The following TFAP2D variants were observed in gnomAD, a reference collection of about 807,000 sequenced individuals.
The protein encoded by TFAP2D is transcription factor AP-2-delta.
A neutral mutation model predicts 43.6 loss-of-function variants in TFAP2D; 9 were observed. The observed-to-expected ratio is 0.21, with a 90% CI of 0.12 to 0.36. The LOEUF is 0.36. Ranked by LOEUF, TFAP2D falls within the 10% of genes least tolerant of loss-of-function variation. The pLI is 1.00. For synonymous variants in TFAP2D, 256 were observed against 224.9 expected, an observed-to-expected ratio of 1.14 and a Z score of -1.24; for missense variants, 513 against 561.4, an observed-to-expected ratio of 0.91 and a Z score of 0.87.
intron 6 of TFAP2D, among the ~76,000 whole-genome samples, chr6:50,748,929 A>G (rs1209352320): frequency 1.3e-5 from 2 of 151,860 alleles, no homozygotes; most frequent in Admixed American, 6.6e-5. Flanking sequence ...TTCACTGAAG[A>G]TCATCTTGTG....
chr6:50,715,747 TCTCACACACACACACACA>T, intron 2 of TFAP2D, 134 bp downstream of exon 2: 7 of 497,370 alleles, frequency 1.4e-5, no homozygotes, highest in Non-Finnish European at 2.0e-5. Context: ...TCTCTCTCTC[TCTCACACACACACACACA>T]CACACACACA....
intron 5 of TFAP2D, among the ~76,000 whole-genome samples, chr6:50,739,335 C>A (rs927732974): frequency 3.9e-5 from 6 of 152,012 alleles, no homozygotes; most frequent in Non-Finnish European, 8.8e-5. Flanking sequence ...GGTTTTCTGT[C>A]CTTGGGATAG....
chr6:50,770,883 C>T (rs891766110), intron 7 of TFAP2D, among the ~76,000 whole-genome samples: 16 of 151,958 alleles, frequency 1.1e-4, no homozygotes, highest in Admixed American at 1.3e-4. Context: ...CACATATGCA[C>T]AATGTTGTAT....
intron 2 of TFAP2D, among the ~76,000 whole-genome samples, chr6:50,716,194 A>T (rs567504430): frequency 1.4e-3 from 213 of 152,166 alleles, no homozygotes; most frequent in Non-Finnish European, 2.7e-3. Flanking sequence ...TATCTGTGGA[A>T]AGTAAAGAAT....
Position 50,757,743 on chromosome 6 carries a change from T to C in TFAP2D, c.1139+6419T>C, listed in dbSNP as rs781518948. ...ATATAATTATTCTATATATAGAATA[T>C]ATATAATTATTCTATATATATAGAA... On this transcript the variant is annotated intron_variant, in intron 7 of 7. Transcript: ENST00000008391. Among the ~76,000 whole-genome samples the C allele has an allele frequency of 4.0e-3, 251 of 63,134 alleles. 1 individual carries two copies. Among genetic ancestry groups the C allele is most frequent in the South Asian group, 0.022 (51 of 2,320 alleles). 41.4% of individuals were successfully genotyped at this position (63,134 alleles called of 152,430 possible).
chr6:50,732,917 G>A (rs1300441003), intron 5 of TFAP2D, among the ~76,000 whole-genome samples: 1 of 151,840 alleles, frequency 6.6e-6, no homozygotes, highest in Non-Finnish European at 1.5e-5. Flanking sequence ...TGTATGAATA[G>A]CTCCTAGCTT....
intron 5 of TFAP2D, among the ~76,000 whole-genome samples, chr6:50,744,784 G>A (rs1474551561): frequency 6.6e-6 from 1 of 152,106 alleles, no homozygotes; most frequent in African/African-American, 2.4e-5. Flanking sequence ...TGGGAATCAT[G>A]TGTAAAACCT....
chr6:50,758,918 G>T (rs1769326934), intron 7 of TFAP2D, among the ~76,000 whole-genome samples: 1 of 152,038 alleles, frequency 6.6e-6, no homozygotes. Context: ...GGGCCTAGGA[G>T]AAGGTTCAGA....
chr6:50,744,784 G>T (rs1474551561), intron 5 of TFAP2D, among the ~76,000 whole-genome samples: 1 of 152,224 alleles, frequency 6.6e-6, no homozygotes, highest in Non-Finnish European at 1.5e-5. Flanking sequence ...TGGGAATCAT[G>T]TGTAAAACCT....
At chr6:50,732,472 T>G (rs1768907959) in intron 5 of TFAP2D, among the ~76,000 whole-genome samples, 1 of 152,044 alleles carries the variant, frequency 6.6e-6, no homozygotes, top group African/African-American at 2.4e-5. Flanking sequence ...TGGCATAATA[T>G]TGAGCATAGG....
At chr6:50,740,515 C>T (rs1769026368) in intron 5 of TFAP2D, among the ~76,000 whole-genome samples, 1 of 152,172 alleles carries the variant, frequency 6.6e-6, no homozygotes, top group Non-Finnish European at 1.5e-5. Context: ...CTCACTGCAA[C>T]TTCCGCCTCC....
intron 7 of TFAP2D, among the ~76,000 whole-genome samples, chr6:50,752,851 CTTAT>C (rs1435102433): frequency 6.6e-6 from 1 of 151,720 alleles, no homozygotes; most frequent in African/African-American, 2.4e-5. Flanking sequence ...TCTGTGAGCC[CTTAT>C]ATATGTAAGC....
intron 7 of TFAP2D, among the ~76,000 whole-genome samples, chr6:50,757,339 T>C (rs888602121): frequency 7.2e-6 from 1 of 139,688 alleles, no homozygotes; most frequent in Admixed American, 7.7e-5. Context: ...TATATATCTA[T>C]ATAGAGAATA....
At position 50,719,447 on chromosome 6, in the gene TFAP2D, G is replaced by GAGAAAGAAAGAAAGAA. The variant is rs531796279; in HGVS notation, c.598+338_598+353dup. Among the ~76,000 whole-genome samples, 301 of 131,780 alleles carry GAGAAAGAAAGAAAGAA rather than the reference G, an allele frequency of 2.3e-3. 2 individuals are homozygous for GAGAAAGAAAGAAAGAA. Among genetic ancestry groups the GAGAAAGAAAGAAAGAA allele is most frequent in the East Asian group, 4.5e-3 (19 of 4,198 alleles). 86.5% of individuals were successfully genotyped at this position (131,780 alleles called of 152,430 possible). The stretch of plus-strand genomic sequence containing the variant: ...AGGAAAGACAAAAGAAAAAGACAGA[G>GAGAAAGAAAGAAAGAA]AGAAAGAAAGAAAGAAAGAAAGAAA... On this transcript the variant is annotated intron_variant, in intron 3 of 7. Coordinates refer to ENST00000008391, the MANE Select transcript of TFAP2D (RefSeq NM_172238.4).
At position 50,729,246 on chromosome 6, in the gene TFAP2D, G is replaced by T; in HGVS notation, c.817G>T (p.Gly273Cys). The change falls in exon 5 of 8, where the codon GGC becomes TGC. Residue 273 changes from glycine (G) to cysteine (C), a missense_variant. By Grantham distance (159) the Gly-to-Cys change is radical (BLOSUM62 -3). Coordinates refer to ENST00000008391, the MANE Select transcript of TFAP2D (RefSeq NM_172238.4). ...CCTGAGAGAGAAATTGGATAGGCTTGGCTTAAACTTACCAGCAGGAAGACG... is the reference window on the plus strand; with the variant it reads ...CCTGAGAGAGAAATTGGATAGGCTTTGCTTAAACTTACCAGCAGGAAGACG... ...RCLREKLDRL[G>C]LNLPAGRRKA... 6.2e-7 allele frequency: 1 copy of T among 1,613,976 alleles called. No individual in the cohort carries two copies. Among genetic ancestry groups the T allele is most frequent in the East Asian group, 2.2e-5 (1 of 44,884 alleles).
At position 50,719,098 on chromosome 6, in the gene TFAP2D, G is replaced by A. The variant is rs745578964; in HGVS notation, c.546G>A (p.Val182=). ...CTGTTTCTTTTATTAAGGGCTCTGT[G>A]GAGGCCCAGTGTGGGCTTGTTCTCA... ...AAGADDLQGS[V]EAQCGLVLNG... is the part of the protein sequence containing the mutation. The change falls in exon 3 of 8, where the codon GTG becomes GTA. Residue 182 remains valine, a synonymous_variant. Transcript: ENST00000008391. The A allele has an allele frequency of 6.2e-7, 1 of 1,613,926 alleles. No homozygotes were observed. Among genetic ancestry groups the A allele is most frequent in the Non-Finnish European group, 8.5e-7 (1 of 1,179,874 alleles).
chr6:50,715,673 C>A, intron 2 of TFAP2D, 60 bp downstream of exon 2: 1 of 1,519,902 alleles, frequency 6.6e-7, no homozygotes. Context: ...CCCCTGCCGC[C>A]CCATTAATGC....
intron 5 of TFAP2D, among the ~76,000 whole-genome samples, chr6:50,734,662 T>C (rs1466874808): frequency 2.0e-5 from 3 of 152,096 alleles, no homozygotes; most frequent in Non-Finnish European, 1.5e-5. Flanking sequence ...AATTACCCAG[T>C]TACTACTATT....
chr6:50,755,950 A>G (rs1020261820), intron 7 of TFAP2D, among the ~76,000 whole-genome samples: 1 of 151,890 alleles, frequency 6.6e-6, no homozygotes, highest in Non-Finnish European at 1.5e-5. Context: ...CAGTGGCTCA[A>G]TCATGTCTCA....
Sources: allele counts gnomAD v4.1 joint callset (sites outside exome capture counted in the v4.1 genomes callset), GRCh38; gene constraint gnomAD v4.1.1; transcripts MANE v1.5; gene names NCBI Gene and HGNC (gene_info 2026-07-23, HGNC 2026-07-21).